NCKAP5: variants seen among roughly 807,000 people sequenced by gnomAD.
The protein encoded by NCKAP5 is nck-associated protein 5.
A neutral mutation model predicts 167.0 loss-of-function variants in NCKAP5; 92 were observed. The ratio of observed to expected loss-of-function variants is 0.55; its 90% CI spans 0.47 to 0.66. The LOEUF (loss-of-function observed/expected upper bound fraction) is 0.66. NCKAP5 is among the 30% of genes least tolerant of loss of function. The pLI, the probability that NCKAP5 is intolerant of heterozygous loss-of-function variation, is 0.00. For missense variants in NCKAP5, 2,378 were observed against 2,315.0 expected, an observed-to-expected ratio of 1.03 and a Z score of -0.56; for synonymous variants, 891 against 877.4, an observed-to-expected ratio of 1.02 and a Z score of -0.27.
intron 2 of NCKAP5, among the ~76,000 whole-genome samples, chr2:133,537,343 A>G (rs1379561102): frequency 6.6e-6 from 1 of 152,086 alleles, no homozygotes; most frequent in Non-Finnish European, 1.5e-5. Flanking sequence ...ATGTCTGCAA[A>G]AAAATCCAAC....
intron 19 of NCKAP5, chr2:132,715,009 A>G (rs1040383251): frequency 7.4e-6 from 3 of 406,998 alleles, no homozygotes; most frequent in Admixed American, 6.2e-5. Flanking sequence ...GTTTTTCCCA[A>G]GCTCATCTCC....
intron 4 of NCKAP5, among the ~76,000 whole-genome samples, chr2:133,295,526 G>A (rs761164617): frequency 6.6e-6 from 1 of 152,038 alleles, no homozygotes; most frequent in Admixed American, 6.6e-5. Flanking sequence ...ACATAGTGAC[G>A]CAGAGTATTG....
At chr2:132,970,460 T>G (rs528515050) in intron 7 of NCKAP5, among the ~76,000 whole-genome samples, 5 of 152,320 alleles carry the variant, frequency 3.3e-5, no homozygotes, top group Admixed American at 2.0e-4. Flanking sequence ...TTATGGAGTT[T>G]AATCAAGAGT....
chr2:132,920,679 A>ATATATC, intron 8 of NCKAP5, among the ~76,000 whole-genome samples: 1 of 111,146 alleles, frequency 9.0e-6, no homozygotes, highest in Admixed American at 1.2e-4. Context: ...ATATATATAT[A>ATATATC]AGTTAGTTTA....
At chr2:133,233,019 T>G (rs546950029) in intron 4 of NCKAP5, among the ~76,000 whole-genome samples, 2 of 152,304 alleles carry the variant, frequency 1.3e-5, no homozygotes, top group East Asian at 3.9e-4. Flanking sequence ...TCTATTCAAC[T>G]GACTGGCTTC....
intron 3 of NCKAP5, among the ~76,000 whole-genome samples, chr2:133,345,313 T>C (rs1683895565): frequency 6.6e-6 from 1 of 152,042 alleles, no homozygotes; most frequent in Non-Finnish European, 1.5e-5. Flanking sequence ...TCCCCAAGTT[T>C]GCGTTTTTGA....
chr2:133,495,520 G>A (rs1162909481), intron 3 of NCKAP5, among the ~76,000 whole-genome samples: 1 of 152,184 alleles, frequency 6.6e-6, no homozygotes. Flanking sequence ...ACCATTGTTA[G>A]ACTCATCCAA....
chr2:133,329,314 G>C (rs778180755), intron 3 of NCKAP5, among the ~76,000 whole-genome samples: 10 of 152,106 alleles, frequency 6.6e-5, no homozygotes, highest in Non-Finnish European at 1.3e-4. Flanking sequence ...AGCAAGGGAG[G>C]AGGGGCTGGG....
At chr2:132,790,797 G>C (rs1428590256) in intron 12 of NCKAP5, among the ~76,000 whole-genome samples, 1 of 152,178 alleles carries the variant, frequency 6.6e-6, no homozygotes, top group Admixed American at 6.5e-5. Flanking sequence ...CACTAAACGA[G>C]GGTCTAGTTG....
At chr2:133,604,142 A>C in the NCKAP5 span, among the ~76,000 whole-genome samples, 1 of 152,196 alleles carries the variant, frequency 6.6e-6, no homozygotes, top group Non-Finnish European at 1.5e-5. Context: ...AGAAACATGC[A>C]AATATACCTG....
chr2:133,426,965 T>G (rs529937404), intron 3 of NCKAP5, among the ~76,000 whole-genome samples: 1 of 152,316 alleles, frequency 6.6e-6, no homozygotes, highest in Admixed American at 6.5e-5. Context: ...TACAATGTTC[T>G]GGGATTGGGA....
At chr2:133,466,804 C>G (rs1473942850) in intron 3 of NCKAP5, among the ~76,000 whole-genome samples, 1 of 151,728 alleles carries the variant, frequency 6.6e-6, no homozygotes, top group African/African-American at 2.4e-5. Context: ...TGATTTGGCT[C>G]TCTGTTTGTC....
At chr2:132,956,686 A>G (rs1313844990) in intron 8 of NCKAP5, among the ~76,000 whole-genome samples, 1 of 152,084 alleles carries the variant, frequency 6.6e-6, no homozygotes, top group Non-Finnish European at 1.5e-5. Context: ...GCCTGTCTAT[A>G]CATGTCTCCA....
At chr2:133,219,435 T>C (rs983975608) in intron 4 of NCKAP5, among the ~76,000 whole-genome samples, 4 of 152,176 alleles carry the variant, frequency 2.6e-5, no homozygotes, top group African/African-American at 9.7e-5. Context: ...TGCAACCTAT[T>C]AGATTATCCA....
intron 4 of NCKAP5, among the ~76,000 whole-genome samples, chr2:133,242,831 C>T (rs771639874): frequency 6.6e-6 from 1 of 152,114 alleles, no homozygotes; most frequent in Non-Finnish European, 1.5e-5. Flanking sequence ...CAGGGCACTA[C>T]CGGGAAAGTT....
intron 3 of NCKAP5, among the ~76,000 whole-genome samples, chr2:133,473,286 C>T (rs1465795622): frequency 6.6e-6 from 1 of 151,654 alleles, no homozygotes; most frequent in Non-Finnish European, 1.5e-5. Flanking sequence ...GAGCCGAGAT[C>T]GAGCCACTGC....
At chr2:133,669,671 G>C in the NCKAP5 span, among the ~76,000 whole-genome samples, 1 of 152,116 alleles carries the variant, frequency 6.6e-6, no homozygotes, top group Non-Finnish European at 1.5e-5. Flanking sequence ...AGAATCCAAA[G>C]ACTTGAAAAT....
intron 8 of NCKAP5, among the ~76,000 whole-genome samples, chr2:132,924,251 T>C (rs372479131): frequency 1.4e-3 from 211 of 152,242 alleles, no homozygotes; most frequent in African/African-American, 5.0e-3. Context: ...ATAACCGCAG[T>C]GGCCATCAAA....
At chr2:132,942,538 G>A (rs577193387) in intron 8 of NCKAP5, among the ~76,000 whole-genome samples, 5 of 152,086 alleles carry the variant, frequency 3.3e-5, no homozygotes, top group Non-Finnish European at 5.9e-5. Flanking sequence ...TTATGTCTCC[G>A]ATTAAAAACA....
Sources: allele counts gnomAD v4.1 joint callset (sites outside exome capture counted in the v4.1 genomes callset), GRCh38; gene constraint gnomAD v4.1.1; transcripts MANE v1.5; gene names NCBI Gene and HGNC (gene_info 2026-07-23, HGNC 2026-07-21).